GRAMD1B: variants seen among roughly 807,000 people sequenced by gnomAD.
The protein encoded by GRAMD1B is protein Aster-B.
In GRAMD1B, 37 loss-of-function variants were observed where a neutral mutation model predicts 99.7. The observed-to-expected ratio is 0.37, with a 90% CI of 0.29 to 0.49. GRAMD1B has a LOEUF of 0.49. Among genes scored for constraint, GRAMD1B ranks in the 20% least tolerant of loss-of-function variants. The pLI, the probability that GRAMD1B is intolerant of heterozygous loss-of-function variation, is 0.98. For missense variants in GRAMD1B, 888 were observed against 1,009.2 expected, an observed-to-expected ratio of 0.88 and a Z score of 1.63; for synonymous variants, 427 against 387.6, an observed-to-expected ratio of 1.10 and a Z score of -1.19.
At chr11:123,575,743 G>A (rs992113871) in intron 2 of GRAMD1B, among the ~76,000 whole-genome samples, 1 of 152,094 alleles carries the variant, frequency 6.6e-6, no homozygotes, top group South Asian at 2.1e-4. Flanking sequence ...GTAAAGGAAG[G>A]TACCTTCCTT....
chr11:123,462,941 C>T (rs1950508646), intron 1 of GRAMD1B, among the ~76,000 whole-genome samples: 1 of 149,160 alleles, frequency 6.7e-6, no homozygotes, highest in Non-Finnish European at 1.5e-5. Flanking sequence ...CTTACCAGCA[C>T]AGTTTGCTCA....
At chr11:123,491,415 TG>T (rs1230745408) in intron 2 of GRAMD1B, among the ~76,000 whole-genome samples, 1 of 152,106 alleles carries the variant, frequency 6.6e-6, no homozygotes, top group Non-Finnish European at 1.5e-5. Context: ...TCCCTTACCA[TG>T]GGGAGAGAGC....
chr11:123,580,709 A>G (rs2136279865), intron 3 of GRAMD1B, among the ~76,000 whole-genome samples: 1 of 152,234 alleles, frequency 6.6e-6, no homozygotes, highest in South Asian at 2.1e-4. Context: ...GCTACCGCCC[A>G]GCTTCCGCTC....
intron 2 of GRAMD1B, among the ~76,000 whole-genome samples, chr11:123,542,628 G>A (rs1322679079): frequency 6.6e-6 from 1 of 152,198 alleles, no homozygotes; most frequent in East Asian, 1.9e-4. Flanking sequence ...CGGAGAGAAT[G>A]ATGCCAGCAA....
chr11:123,364,423 CT>C (rs1228864108), intron 1 of GRAMD1B, among the ~76,000 whole-genome samples: 2 of 152,240 alleles, frequency 1.3e-5, no homozygotes, highest in Non-Finnish European at 2.9e-5. Context: ...GTTCAAAGAC[CT>C]GAGGAAAGGC....
Position 123,619,548 on chromosome 11 carries a change from C to A in GRAMD1B, c.2544+324C>A, listed in dbSNP as rs527972679. On this transcript the variant is annotated intron_variant, in intron 19 of 19. Coordinates refer to ENST00000635736, the MANE Select transcript of GRAMD1B (RefSeq NM_001387025.1). The stretch of plus-strand genomic sequence containing the variant: ...ATCTGACAGGCATTTAAACAGAGAA[C>A]CCCCTCAGCCCTTTTACAGAGATTT... 1.2e-5 allele frequency: 14 copies of A among 1,185,444 alleles called. No homozygotes were observed. The Admixed American group carries it at 2.7e-4, about 23-fold the overall frequency. 73.4% of individuals were successfully genotyped at this position (1,185,444 alleles called of 1,614,324 possible).
At chr11:123,586,408 G>A (rs1471658980) in intron 4 of GRAMD1B, among the ~76,000 whole-genome samples, 1 of 152,158 alleles carries the variant, frequency 6.6e-6, no homozygotes, top group Non-Finnish European at 1.5e-5. Context: ...CATCCCAAGT[G>A]CATTACAGAA....
intron 1 of GRAMD1B, chr11:123,458,608 T>C (rs561909588): frequency 4.2e-4 from 64 of 152,214 alleles, no homozygotes; most frequent in African/African-American, 1.3e-3. Context: ...AAGAAAATGG[T>C]CATAAAGAAT....
At chr11:123,562,834 G>A (rs191620481) in intron 2 of GRAMD1B, among the ~76,000 whole-genome samples, 8 of 152,346 alleles carry the variant, frequency 5.3e-5, no homozygotes, top group Admixed American at 3.9e-4. Flanking sequence ...GAAGGTTGAA[G>A]CACTATACCC....
chr11:123,367,628 T>A (rs978717981), intron 1 of GRAMD1B, among the ~76,000 whole-genome samples: 1 of 152,126 alleles, frequency 6.6e-6, no homozygotes, highest in Non-Finnish European at 1.5e-5. Context: ...GCGTGATGAG[T>A]TGGAGCCTGC....
At chr11:123,514,463 A>C (rs1941476859) in intron 2 of GRAMD1B, among the ~76,000 whole-genome samples, 1 of 152,182 alleles carries the variant, frequency 6.6e-6, no homozygotes, top group Non-Finnish European at 1.5e-5. Context: ...ATGAGGATTA[A>C]ATGCAATGTC....
intron 1 of GRAMD1B, among the ~76,000 whole-genome samples, chr11:123,439,063 T>C (rs755991798): frequency 3.0e-4 from 46 of 152,122 alleles, no homozygotes; most frequent in Admixed American, 2.6e-4. Context: ...CACATATCAG[T>C]GTGTGACTTG....
At chr11:123,548,325 TACACACACACACACACACACACAC>T (rs138083511) in intron 2 of GRAMD1B, among the ~76,000 whole-genome samples, 18 of 86,876 alleles carry the variant, frequency 2.1e-4, no homozygotes, top group African/African-American at 4.1e-4. Context: ...TATATATATA[TACACACACACACACACACACACAC>T]ATATATATAT....
chr11:123,423,919 T>C (rs573082526), intron 1 of GRAMD1B, among the ~76,000 whole-genome samples: 1 of 152,288 alleles, frequency 6.6e-6, no homozygotes, highest in South Asian at 2.1e-4. Flanking sequence ...GCACAGCGCC[T>C]GGCTTAGTGT....
rs998296835 is a variant in GRAMD1B at position 123,587,011 on chromosome 11, C to T, written c.684+2679C>T. On this transcript the variant is annotated intron_variant, in intron 4 of 19. Coordinates refer to ENST00000635736, the MANE Select transcript of GRAMD1B (RefSeq NM_001387025.1). This position sits in a 1 kb window ranked among gnomAD's most constrained non-coding sequence, Gnocchi z 4.2. Reference sequence around the variant, plus strand: ...AGTGAGGGCCAGTGCCCTGCAGAATCGCTGATAGTGGCAAGAGCATTCAGG... The same window carrying T: ...AGTGAGGGCCAGTGCCCTGCAGAATTGCTGATAGTGGCAAGAGCATTCAGG... 2.6e-5 allele frequency among the ~76,000 whole-genome samples: 4 copies of T among 152,204 alleles called. No individual in the cohort carries two copies. The highest frequency in any genetic ancestry group is 4.8e-5 in the African/African-American group (2 of 41,450).
intron 1 of GRAMD1B, among the ~76,000 whole-genome samples, chr11:123,412,158 T>C (rs1407268161): frequency 6.6e-6 from 1 of 152,248 alleles, no homozygotes; most frequent in East Asian, 1.9e-4. Flanking sequence ...ATACAGTGGA[T>C]ATATGTTTAT....
intron 2 of GRAMD1B, among the ~76,000 whole-genome samples, chr11:123,505,276 T>C (rs1295763898): frequency 6.6e-6 from 1 of 152,038 alleles, no homozygotes; most frequent in East Asian, 1.9e-4. Context: ...AAGTGACTCT[T>C]CCCCCTTAGC....
chr11:123,539,641 T>A (rs1449496918), intron 2 of GRAMD1B, among the ~76,000 whole-genome samples: 1 of 151,954 alleles, frequency 6.6e-6, no homozygotes, highest in Non-Finnish European at 1.5e-5. Context: ...TGAATTTGAT[T>A]CCCATTACTT....
intron 2 of GRAMD1B, among the ~76,000 whole-genome samples, chr11:123,536,004 C>T (rs557508425): frequency 6.6e-6 from 1 of 152,146 alleles, no homozygotes; most frequent in Non-Finnish European, 1.5e-5. Flanking sequence ...CACAGAATAC[C>T]CTCCCTTCAG....
Sources: allele counts gnomAD v4.1 joint callset (sites outside exome capture counted in the v4.1 genomes callset), GRCh38; gene constraint gnomAD v4.1.1; non-coding constraint Gnocchi (gnomAD v3.1); transcripts MANE v1.5; gene names NCBI Gene and HGNC (gene_info 2026-07-23, HGNC 2026-07-21).